The following CDH12 variants were observed in gnomAD, a reference collection of about 807,000 sequenced individuals.
CDH12 encodes the protein cadherin 12.
A neutral mutation model predicts 74.1 loss-of-function variants in CDH12; 41 were observed. The observed-to-expected ratio is 0.55, with a 90% CI of 0.43 to 0.72. The LOEUF is 0.72. CDH12 is among the 30% of genes least tolerant of loss of function. CDH12 has a pLI of 0.00. For synonymous variants in CDH12, 399 were observed against 355.0 expected (o/e 1.12, Z -1.39); for missense variants, 945 against 977.2 (o/e 0.97, Z 0.44).
At chr5:21,805,452 C>T (rs1050657579) in intron 9 of CDH12, among the ~76,000 whole-genome samples, 1 of 152,004 alleles carries the variant, frequency 6.6e-6, no homozygotes, top group African/African-American at 2.4e-5. Flanking sequence ...GTTAGGGAGA[C>T]AGAGTAAGAT....
At chr5:21,821,726 A>G (rs1031017092) in intron 8 of CDH12, among the ~76,000 whole-genome samples, 1 of 151,930 alleles carries the variant, frequency 6.6e-6, no homozygotes, top group Admixed American at 6.6e-5. Flanking sequence ...AACTAAATAG[A>G]CTATGATTTG....
At chr5:22,493,538 C>G (rs1020548680) in intron 2 of CDH12, among the ~76,000 whole-genome samples, 1 of 151,154 alleles carries the variant, frequency 6.6e-6, no homozygotes, top group Admixed American at 6.6e-5. Flanking sequence ...AGGGAGCATG[C>G]ACTATTTCAA....
At chr5:22,224,698 T>C (rs1240757342) in intron 3 of CDH12, among the ~76,000 whole-genome samples, 1 of 152,074 alleles carries the variant, frequency 6.6e-6, no homozygotes, top group Non-Finnish European at 1.5e-5. Context: ...ATAGCAGTAC[T>C]GACTTGAGTC....
chr5:21,953,982 A>G (rs1282069343), intron 6 of CDH12, among the ~76,000 whole-genome samples: 2 of 152,144 alleles, frequency 1.3e-5, no homozygotes, highest in Non-Finnish European at 2.9e-5. Context: ...AATTAATTAC[A>G]TTGAAATTCT....
At chr5:22,737,682 C>T (rs1458896937) in intron 1 of CDH12, among the ~76,000 whole-genome samples, 1 of 151,832 alleles carries the variant, frequency 6.6e-6, no homozygotes, top group Non-Finnish European at 1.5e-5. Context: ...CATTTTAAGC[C>T]TAAGTATTTA....
In CDH12 at chr5:22,505,641, A is replaced by G. The variant is rs527856904; in HGVS notation, c.-522-277T>C. Among the ~76,000 whole-genome samples the G allele has an allele frequency of 3.3e-5, 5 of 152,126 alleles. No homozygotes were observed. In the East Asian group the frequency reaches 9.7e-4, roughly 30 times the overall value. On this transcript the variant is annotated intron_variant, in intron 1 of 14. Transcript: ENST00000382254. Reference sequence around the variant, plus strand: ...GATGGATCCAAATGAACCAATATTGATACATTATTGAGTTCACTAGTTTTT... The same window carrying G: ...GATGGATCCAAATGAACCAATATTGGTACATTATTGAGTTCACTAGTTTTT...
At chr5:22,153,926 AC>A in intron 4 of CDH12, among the ~76,000 whole-genome samples, 1 of 145,586 alleles carries the variant, frequency 6.9e-6, no homozygotes, top group African/African-American at 2.5e-5. Flanking sequence ...ACACACACAC[AC>A]AAACATATAT....
intron 6 of CDH12, among the ~76,000 whole-genome samples, chr5:21,970,839 CAAAAAAAAAAAA>C (rs1167373938): frequency 2.6e-3 from 73 of 27,788 alleles, no homozygotes; most frequent in East Asian, 0.011. Context: ...GACTCTTTCT[CAAAAAAAAAAAA>C]AAAAAAAAAA....
intron 4 of CDH12, among the ~76,000 whole-genome samples, chr5:22,206,234 C>T (rs1477904502): frequency 1.3e-5 from 2 of 152,108 alleles, no homozygotes; most frequent in Non-Finnish European, 1.5e-5. Context: ...TAGCATCAAC[C>T]TCTCTGGCAG....
At chr5:21,886,482 A>G (rs1752637167) in intron 6 of CDH12, among the ~76,000 whole-genome samples, 1 of 147,302 alleles carries the variant, frequency 6.8e-6, no homozygotes, top group African/African-American at 2.5e-5. Flanking sequence ...ATGAGGAAAA[A>G]TAGTAAAGAA....
At chr5:22,732,232 G>A (rs1445225317) in intron 1 of CDH12, among the ~76,000 whole-genome samples, 1 of 151,548 alleles carries the variant, frequency 6.6e-6, no homozygotes, top group South Asian at 2.1e-4. Context: ...ATCTTCACAC[G>A]GTCTTCCCTC....
intron 5 of CDH12, among the ~76,000 whole-genome samples, chr5:21,980,936 A>G (rs2150127100): frequency 6.6e-6 from 1 of 152,284 alleles, no homozygotes; most frequent in South Asian, 2.1e-4. Context: ...AAGTAATACA[A>G]TTAAATTGCT....
intron 2 of CDH12, among the ~76,000 whole-genome samples, chr5:22,478,585 A>T (rs1746266435): frequency 6.6e-6 from 1 of 152,030 alleles, no homozygotes; most frequent in South Asian, 2.1e-4. Flanking sequence ...TCTGTCAACA[A>T]AGATACTAAT....
intron 5 of CDH12, among the ~76,000 whole-genome samples, chr5:22,010,462 G>A (rs1470461305): frequency 6.6e-6 from 1 of 152,140 alleles, no homozygotes; most frequent in African/African-American, 2.4e-5. Context: ...CTGGGTGAAT[G>A]CCCCGCTTCA....
chr5:22,193,604 T>C (rs1407809414), intron 4 of CDH12, among the ~76,000 whole-genome samples: 3 of 152,150 alleles, frequency 2.0e-5, no homozygotes, highest in Non-Finnish European at 4.4e-5. Context: ...TATAGTTCAT[T>C]TTTTATTCTG....
At chr5:22,283,666 A>C (rs1483168084) in intron 3 of CDH12, among the ~76,000 whole-genome samples, 1 of 152,040 alleles carries the variant, frequency 6.6e-6, no homozygotes, top group Non-Finnish European at 1.5e-5. Flanking sequence ...AGCTAGACAG[A>C]AGGAATAATA....
intron 1 of CDH12, among the ~76,000 whole-genome samples, chr5:22,741,162 G>A (rs999242887): frequency 1.3e-5 from 2 of 152,132 alleles, no homozygotes; most frequent in Non-Finnish European, 2.9e-5. Flanking sequence ...CTAAAGGTAA[G>A]TCTACTTGAA....
intron 1 of CDH12, among the ~76,000 whole-genome samples, chr5:22,753,309 C>T (rs1397403827): frequency 3.3e-5 from 5 of 151,402 alleles, no homozygotes; most frequent in African/African-American, 4.8e-5. Flanking sequence ...CGGTGGCGGG[C>T]GCCTGTAGTC....
At chr5:21,829,182 T>C (rs1301304961) in intron 8 of CDH12, among the ~76,000 whole-genome samples, 1 of 152,204 alleles carries the variant, frequency 6.6e-6, no homozygotes, top group East Asian at 1.9e-4. Context: ...GTAATCTCAA[T>C]GACTCAGGAG....
Sources: allele counts gnomAD v4.1 joint callset (sites outside exome capture counted in the v4.1 genomes callset), GRCh38; gene constraint gnomAD v4.1.1; transcripts MANE v1.5; gene names NCBI Gene and HGNC (gene_info 2026-07-23, HGNC 2026-07-21).